Variants in BRWD3 observed in about 807,000 individuals in gnomAD.
BRWD3 encodes bromodomain and WD repeat domain containing 3.
Under a neutral mutation model 149.7 loss-of-function variants are expected in BRWD3, and 10 were observed. The observed-to-expected ratio is 0.07, with a 90% CI of 0.04 to 0.11. The LOEUF (loss-of-function observed/expected upper bound fraction) is 0.11. BRWD3 is among the 10% of genes least tolerant of loss of function. The pLI, the probability that BRWD3 is intolerant of heterozygous loss-of-function variation, is 1.00. For missense variants in BRWD3, 940 were observed against 1,373.2 expected (o/e 0.68, Z 4.99); for synonymous variants, 504 against 456.7 (o/e 1.10, Z -1.32).
chrX:80,726,216 TAACATATAACAC>T (rs754378013), intron 14 of BRWD3, among the ~76,000 whole-genome samples: 3,826 of 105,180 alleles, frequency 0.036, 67 homozygotes, highest in South Asian at 0.07. Context: ...TATGTCTGTA[TAACATATAACAC>T]GTTTACATGT....
intron 40 of BRWD3, among the ~76,000 whole-genome samples, chrX:80,679,757 G>A (rs1386005609): frequency 2.7e-5 from 3 of 111,435 alleles, no homozygotes; most frequent in Admixed American, 1.9e-4. Context: ...ACGCTAGTTG[G>A]CCACTGAAGA....
chrX:80,767,473 T>C (rs1455227535), intron 6 of BRWD3, among the ~76,000 whole-genome samples: 1 of 111,038 alleles, frequency 9.0e-6, no homozygotes, highest in Non-Finnish European at 1.9e-5. Context: ...ACCTAACTGT[T>C]AGAAGGAAAA....
chrX:80,770,748 C>A (rs1325951060), intron 6 of BRWD3, among the ~76,000 whole-genome samples: 2 of 111,551 alleles, frequency 1.8e-5, no homozygotes, highest in Non-Finnish European at 3.8e-5. Flanking sequence ...GAAGTTCTGG[C>A]CAGGGCAATC....
intron 6 of BRWD3, among the ~76,000 whole-genome samples, chrX:80,754,471 C>G (rs974552347): frequency 8.1e-5 from 9 of 111,673 alleles, no homozygotes; most frequent in African/African-American, 2.9e-4. Context: ...ATTTGACTTC[C>G]TCTTTTCCAA....
chrX:80,704,562 T>C, intron 23 of BRWD3, 116 bp downstream of exon 23: 1 of 769,331 alleles, frequency 1.3e-6, no homozygotes, highest in Non-Finnish European at 1.8e-6. Flanking sequence ...TTTTACTTAC[T>C]TTCTCAGATG....
intron 8 of BRWD3, among the ~76,000 whole-genome samples, chrX:80,741,113 G>T (rs1466058266): frequency 9.2e-6 from 1 of 108,992 alleles, no homozygotes; most frequent in African/African-American, 3.4e-5. Flanking sequence ...CCTGTGTCCA[G>T]GTGTTCTCAT....
chrX:80,682,672 T>TA (rs1160480618), intron 37 of BRWD3, 44 bp from the exon 38 acceptor site: 2 of 1,132,782 alleles, frequency 1.8e-6, no homozygotes, highest in East Asian at 3.0e-5. Flanking sequence ...TTTTATATTT[T>TA]AAAAAAAGGT....
intron 6 of BRWD3, among the ~76,000 whole-genome samples, chrX:80,764,744 T>G (rs1255705544): frequency 1.8e-5 from 2 of 110,602 alleles, no homozygotes; most frequent in African/African-American, 6.6e-5. Context: ...AAAGACAGAC[T>G]AGGAGAAAAT....
Position 80,791,874 on chromosome X carries a change from T to C in BRWD3, c.410A>G (p.Tyr137Cys), listed in dbSNP as rs1569289715. ...RGRPPELPVN[Y>C]VKPPNVVNIT... ...CTCACCCACATTTGGAGGTTTCACATAATTTACAGGTAGTTCTGGAGGTCT... is the reference window on the plus strand; with the variant it reads ...CTCACCCACATTTGGAGGTTTCACACAATTTACAGGTAGTTCTGGAGGTCT... Residue 137 changes from tyrosine to cysteine, a missense_variant, in exon 6 of 41, where the codon TAT becomes TGT. By Grantham distance (194) the Tyr-to-Cys change is radical. Around this residue, in one of 6 missense-constraint regions of BRWD3, gnomAD observed 105 missense variants for 127.7 expected, o/e 0.82. Transcript: ENST00000373275. 1.7e-6 allele frequency: 2 copies of C among 1,204,054 alleles called. No homozygotes were observed. The highest frequency in any genetic ancestry group is 2.2e-5 in the Admixed American group (1 of 45,640).
intron 8 of BRWD3, 118 bp from the exon 9 acceptor site, chrX:80,736,206 A>C: frequency 4.0e-6 from 2 of 495,182 alleles, no homozygotes; most frequent in Non-Finnish European, 6.5e-6. Context: ...AATTCAGCTA[A>C]AAATTTTTGT....
intron 16 of BRWD3, 118 bp from the exon 17 acceptor site, chrX:80,722,905 G>A: frequency 1.6e-6 from 1 of 613,287 alleles, no homozygotes; most frequent in Non-Finnish European, 2.7e-6. Context: ...TACTCTTCTA[G>A]TCCTTTGTTG....
intron 6 of BRWD3, among the ~76,000 whole-genome samples, chrX:80,760,457 A>G (rs1352960421): frequency 3.6e-5 from 4 of 112,012 alleles, no homozygotes; most frequent in African/African-American, 1.3e-4. Flanking sequence ...TTCTACTAAT[A>G]TCTTTAAATG....
intron 40 of BRWD3, among the ~76,000 whole-genome samples, chrX:80,677,650 T>G (rs918633473): frequency 5.4e-5 from 6 of 111,761 alleles, no homozygotes; most frequent in African/African-American, 2.0e-4. Context: ...CTAATTAGTA[T>G]AGTTTCATTC....
chrX:80,738,210 A>C (rs987508581), intron 8 of BRWD3, among the ~76,000 whole-genome samples: 1 of 112,585 alleles, frequency 8.9e-6, no homozygotes, highest in Admixed American at 9.4e-5. Context: ...GTGCCTTAAT[A>C]GAATTGTTTT....
intron 33 of BRWD3, among the ~76,000 whole-genome samples, chrX:80,688,977 C>A (rs528767453): frequency 2.0e-5 from 1 of 50,173 alleles, no homozygotes; most frequent in South Asian, 1.8e-3. Context: ...TAGTCAGACA[C>A]ATTTTCATGA....
Position 80,736,601 on chromosome X carries a change from C to G in BRWD3, c.814-513G>C, listed in dbSNP as rs996760720. On this transcript the variant is annotated intron_variant, in intron 8 of 40. Coordinates refer to ENST00000373275, the MANE Select transcript of BRWD3 (RefSeq NM_153252.5). ...ATTCAATTGAAGTATATAATTTTGT[C>G]TTTTTTAGATGTAAGCCATTTGTTT... Among the ~76,000 whole-genome samples, 19 of 111,306 alleles carry G rather than the reference C, an allele frequency of 1.7e-4. No individual in the cohort carries two copies. In the East Asian group the frequency reaches 2.5e-3, roughly 15 times the overall value.
Position 80,676,313 on chromosome X carries a change from T to C in BRWD3, c.*296A>G. On this transcript the variant is annotated 3_prime_UTR_variant, in exon 41 of 41. Coordinates refer to ENST00000373275, the MANE Select transcript of BRWD3 (RefSeq NM_153252.5). ...ATGCTCCTTTAATGTAGTAAATCTG[T>C]AGTGTCTGTGTTGTGTTTCGTGTGT... The C allele has an allele frequency of 3.1e-6, 1 of 325,286 alleles. No homozygotes were observed. The allele number at this position is 325,286 out of a possible 1,213,427, so 26.8% of individuals were successfully genotyped here.
At chrX:80,725,762 T>C (rs959202812) in intron 14 of BRWD3, among the ~76,000 whole-genome samples, 3 of 108,444 alleles carry the variant, frequency 2.8e-5, no homozygotes, top group African/African-American at 1.0e-4. Flanking sequence ...ATATAACATG[T>C]TTACATGTGT....
intron 19 of BRWD3, 34 bp downstream of exon 19, chrX:80,717,539 A>T: frequency 8.5e-7 from 1 of 1,172,304 alleles, no homozygotes; most frequent in Non-Finnish European, 1.2e-6. Context: ...ATAAAGCTTT[A>T]AATTTTTTTC....
Sources: gnomAD v4.1 joint callset for allele counts (sites outside exome capture counted in the v4.1 genomes callset) on GRCh38, gnomAD v4.1.1 for gene constraint, gnomAD v4.1.1 regional missense constraint, MANE v1.5 for transcripts, NCBI Gene and HGNC (gene_info 2026-07-23, HGNC 2026-07-21) for gene names.